Variants in ACAP1 observed in about 807,000 individuals in gnomAD.
ACAP1 encodes ArfGAP with coiled-coil, ankyrin repeat and PH domains 1, also known as arf-GAP with coiled-coil, ANK repeat and PH domain-containing protein 1.
In ACAP1, 45 loss-of-function variants were observed where a neutral mutation model predicts 98.8. That is an observed-to-expected ratio of 0.46 (90% CI 0.36 to 0.58). ACAP1 has a LOEUF of 0.58. ACAP1 is among the 20% of genes least tolerant of loss of function. The probability of loss-of-function intolerance (pLI) is 0.00; values close to 1 mark genes in which losing one functional copy is unlikely to be tolerated. For missense variants in ACAP1, 735 were observed against 971.4 expected, an observed-to-expected ratio of 0.76 and a Z score of 3.24; for synonymous variants, 362 against 375.3, an observed-to-expected ratio of 0.96 and a Z score of 0.41.
At chr17:7,347,445 A>T in intron 14 of ACAP1, 1 of 567,122 alleles carries the variant, frequency 1.8e-6, no homozygotes, top group Non-Finnish European at 3.1e-6. Context: ...TCTGTGTCCT[A>T]GTCTGGCCAG....
chr17:7,351,417 G>A lies in ACAP1; in HGVS notation c.*22G>A. 1.3e-6 allele frequency: 2 copies of A among 1,571,846 alleles called. No individual in the cohort carries two copies. Among genetic ancestry groups the A allele is most frequent in the South Asian group, 1.1e-5 (1 of 88,928 alleles). On this transcript the variant is annotated 3_prime_UTR_variant, in exon 22 of 22. Coordinates refer to ENST00000158762, the MANE Select transcript of ACAP1 (RefSeq NM_014716.4). The stretch of plus-strand genomic sequence containing the variant: ...GTGACCCGAGGCCCACGGGGCCCGC[G>A]CCTGCCTCCCTTCCCCGCCACCGGG...
In ACAP1 at chr17:7,337,408, G is replaced by T. The variant is rs766748794; in HGVS notation, c.111+39G>T. On this transcript the variant is annotated intron_variant, in intron 2 of 21. Transcript: ENST00000158762. The stretch of plus-strand genomic sequence containing the variant: ...GGAGAGGTGACCCAGGAGTGGATTA[G>T]GTTGAGAGGGGTAGGGCCAGGGAGA... 1.9e-6 allele frequency: 3 copies of T among 1,575,106 alleles called. No homozygotes were observed. In the South Asian group the frequency reaches 3.3e-5, roughly 17 times the overall value.
intron 18 of ACAP1, 51 bp from the exon 19 acceptor site, chr17:7,349,894 C>A (rs1164859258): frequency 7.0e-7 from 1 of 1,437,612 alleles, no homozygotes; most frequent in Non-Finnish European, 9.6e-7. Flanking sequence ...ATCTTGAAAT[C>A]CACCACTAGG....
rs1163288655 is a variant in ACAP1, at chr17:7,350,292, A to T, written c.2072+55A>T. 1 of 1,426,508 alleles carries T rather than the reference A, an allele frequency of 7.0e-7. No individual in the cohort carries two copies. The allele number at this position is 1,426,508 out of a possible 1,614,324, so 88.4% of individuals were successfully genotyped here. On this transcript the variant is annotated intron_variant, in intron 20 of 21. Transcript: ENST00000158762. This position sits in a 1 kb window ranked among gnomAD's most constrained non-coding sequence, Gnocchi z 4.6. The stretch of plus-strand genomic sequence containing the variant: ...GCTGGGACTCCCCCCACCCCCGCCC[A>T]CCCACGTTCGGGCGGGCGGGCGGGG...
Position 7,346,998 on chromosome 17 carries a change from C to CT in ACAP1, c.1132-31dup, listed in dbSNP as rs775058557. On this transcript the variant is annotated intron_variant, in intron 13 of 21. Transcript: ENST00000158762. ...ATGGGGCACCCTTTACCCTAGGCCC[C>CT]TTGGCCACCCTTTCTTCCCCTCTCT... The CT allele has an allele frequency of 2.5e-6, 4 of 1,570,608 alleles. No homozygotes were observed. The African/African-American group carries it at 4.0e-5, about 16-fold the overall frequency.
At position 7,342,014 on chromosome 17, in the gene ACAP1, G is replaced by A. The variant is rs368424729; in HGVS notation, c.178G>A (p.Val60Ile). The stretch of plus-strand genomic sequence containing the variant: ...TTACCTTGCTGCCAGCCGCGCCTTC[G>A]TTGTCGGCATTTGTGACCTGGCCCG... ...RHYLAASRAFVVGICDLARLG... is the reference protein window; with the variant it reads ...RHYLAASRAFIVGICDLARLG... The change falls in exon 3 of 22, where the codon GTT becomes ATT. Residue 60 changes from valine to isoleucine, a missense_variant. Coordinates refer to ENST00000158762, the MANE Select transcript of ACAP1 (RefSeq NM_014716.4). 110 of 1,613,964 alleles carry A rather than the reference G, an allele frequency of 6.8e-5. No homozygotes were observed. The highest frequency in any genetic ancestry group is 8.5e-5 in the Non-Finnish European group (100 of 1,180,004).
intron 2 of ACAP1, 82 bp from the exon 3 acceptor site, chr17:7,341,866 G>A (rs2073283520): frequency 5.7e-6 from 9 of 1,586,256 alleles, no homozygotes; most frequent in Non-Finnish European, 7.7e-6. Context: ...TGGGCAAGGG[G>A]AGAGGAAGTG....
intron 5 of ACAP1, 95 bp downstream of exon 5, chr17:7,342,569 C>A (rs774899079): frequency 1.5e-5 from 20 of 1,332,802 alleles, no homozygotes; most frequent in African/African-American, 2.9e-5. Context: ...AGTTGGACAC[C>A]AACCTAGCCA....
chr17:7,343,287 T>G lies in ACAP1; in HGVS notation c.345-92T>G. Reference sequence around the variant, plus strand: ...CTTGGGTTTCCCACGTTGCAGAGACTAACTGAAAGGACATGAGGGCTTTAC... The same window carrying G: ...CTTGGGTTTCCCACGTTGCAGAGACGAACTGAAAGGACATGAGGGCTTTAC... On this transcript the variant is annotated intron_variant, in intron 5 of 21. Transcript: ENST00000158762. This position sits in a 1 kb window ranked among gnomAD's most constrained non-coding sequence, Gnocchi z 4.9. 7.3e-7 allele frequency: 1 copy of G among 1,367,692 alleles called. No homozygotes were observed. The highest frequency in any genetic ancestry group is 1.5e-5 in the African/African-American group (1 of 68,888). 84.7% of individuals were successfully genotyped at this position (1,367,692 alleles called of 1,614,324 possible).
rs796177877 is a variant in ACAP1, at chr17:7,349,797, C to T, written c.1852-148C>T. ...TGCAAAGAGCTAGAGCCAAGCCTAG[C>T]TTGGTTACAGTTAGCTGTAACCCCT... On this transcript the variant is annotated intron_variant, in intron 18 of 21. Transcript: ENST00000158762. The T allele has an allele frequency of 3.1e-5, 20 of 644,698 alleles. 1 individual carries two copies. The highest frequency in any genetic ancestry group is 2.9e-4 in the African/African-American group (16 of 55,302). 39.9% of individuals were successfully genotyped at this position (644,698 alleles called of 1,614,324 possible). A position where few individuals can be genotyped will look rare whatever the true frequency, so the allele number is the denominator to read the frequency against.
At chr17:7,340,095 C>A (rs1398422978) in intron 2 of ACAP1, among the ~76,000 whole-genome samples, 1 of 151,684 alleles carries the variant, frequency 6.6e-6, no homozygotes, top group Admixed American at 6.6e-5. Flanking sequence ...ACCCTTGTCT[C>A]TAAATAATGT....
At position 7,343,621 on chromosome 17, in the gene ACAP1, T is replaced by C. The variant is rs3809829; in HGVS notation, c.528+59T>C. ...GAGCCTCAAGTGTCACCTCGAGGCT[T>C]GGGGGTCTCCAGTGTGCAGTGGGAA... On this transcript the variant is annotated intron_variant, in intron 6 of 21. Transcript: ENST00000158762. This position sits in a 1 kb window ranked among gnomAD's most constrained non-coding sequence, Gnocchi z 4.9. 1 of 1,593,476 alleles carries C rather than the reference T, an allele frequency of 6.3e-7. No homozygotes were observed. Among genetic ancestry groups the C allele is most frequent in the Non-Finnish European group, 8.6e-7 (1 of 1,166,966 alleles).
At chr17:7,348,501 G>A (rs778619743) in intron 17 of ACAP1, 26 bp downstream of exon 17, 1 of 1,455,542 alleles carries the variant, frequency 6.9e-7, no homozygotes, top group Non-Finnish European at 9.1e-7. Flanking sequence ...GGCATTCATT[G>A]AGCATCTGCT....
chr17:7,351,422 C>G lies in ACAP1; in HGVS notation c.*27C>G, dbSNP rs1268582983. Reference sequence around the variant, plus strand: ...CCGAGGCCCACGGGGCCCGCGCCTGCCTCCCTTCCCCGCCACCGGGCCCTC... The same window carrying G: ...CCGAGGCCCACGGGGCCCGCGCCTGGCTCCCTTCCCCGCCACCGGGCCCTC... On this transcript the variant is annotated 3_prime_UTR_variant, in exon 22 of 22. Transcript: ENST00000158762. The G allele has an allele frequency of 6.5e-7, 1 of 1,537,632 alleles. No individual in the cohort carries two copies. The highest frequency in any genetic ancestry group is 1.4e-5 in the African/African-American group (1 of 72,854).
chr17:7,351,195 C>A, intron 21 of ACAP1, 100 bp from the exon 22 acceptor site: 1 of 1,182,292 alleles, frequency 8.5e-7, no homozygotes. Flanking sequence ...CGTTCCCACC[C>A]AGGCTCGGAG....
Position 7,350,260 on chromosome 17 carries a change from G to A in ACAP1, c.2072+23G>A. The A allele has an allele frequency of 6.2e-7, 1 of 1,602,696 alleles. No homozygotes were observed. Among genetic ancestry groups the A allele is most frequent in the Non-Finnish European group, 8.5e-7 (1 of 1,170,846 alleles). ...CCTGTAAGAATGCCTGAAGGGGCGG[G>A]GCTGGCGCTGGGACTCCCCCCACCC... is the stretch of plus-strand genomic sequence containing the variant. On this transcript the variant is annotated intron_variant, in intron 20 of 21. Transcript: ENST00000158762. The surrounding 1 kb of genome is among the most constrained non-coding windows in gnomAD (Gnocchi z 4.6).
Position 7,336,790 on chromosome 17 carries a change from AAG to A in ACAP1, c.53+4_53+5del. 3.1e-6 allele frequency: 5 copies of A among 1,613,862 alleles called. No homozygotes were observed. Among genetic ancestry groups the A allele is most frequent in the Non-Finnish European group, 3.4e-6 (4 of 1,179,806 alleles). On this transcript the variant is annotated splice_donor_5th_base_variant and intron_variant, in intron 1 of 21. Coordinates refer to ENST00000158762, the MANE Select transcript of ACAP1 (RefSeq NM_014716.4). Reference sequence around the variant, plus strand: ...CTCAAGGACTCACCCCGTTTCCGGTAAGTGTGAACTGGTCTGGGGGGCTAAGG... The same window carrying A: ...CTCAAGGACTCACCCCGTTTCCGGTATGTGAACTGGTCTGGGGGGCTAAGG...
rs542767688 is a variant in ACAP1, at chr17:7,346,519, C to T, written c.1007+28C>T. ...GAGTGCAATCCCCAGGGGTGATACT[C>T]TAATATATCTAAACAACTGCCAATC... is the stretch of plus-strand genomic sequence containing the variant. On this transcript the variant is annotated intron_variant, in intron 12 of 21. Transcript: ENST00000158762. 5.2e-6 allele frequency: 8 copies of T among 1,535,428 alleles called. No individual in the cohort carries two copies. The South Asian group carries it at 1.0e-4, about 19-fold the overall frequency.
intron 12 of ACAP1, 149 bp from the exon 13 acceptor site, chr17:7,346,659 A>G: frequency 8.8e-7 from 1 of 1,138,418 alleles, no homozygotes; most frequent in South Asian, 1.5e-5. Flanking sequence ...GTGATGGGGG[A>G]TATTTAGGAG....
Sources: allele counts gnomAD v4.1 joint callset (sites outside exome capture counted in the v4.1 genomes callset), GRCh38; gene constraint gnomAD v4.1.1; non-coding constraint Gnocchi (gnomAD v3.1); transcripts MANE v1.5; gene names NCBI Gene and HGNC (gene_info 2026-07-23, HGNC 2026-07-21).